BBS1: variants seen among roughly 807,000 people sequenced by gnomAD.
BBS1 encodes BBSome complex member BBS1.
A neutral mutation model predicts 73.9 loss-of-function variants in BBS1; 60 were observed. The ratio of observed to expected loss-of-function variants is 0.81; its 90% CI spans 0.66 to 1.01. The LOEUF (loss-of-function observed/expected upper bound fraction) is 1.01, where lower values mean the gene tolerates loss of function less well. BBS1 is among the 50% of genes least tolerant of loss of function. BBS1 has a pLI of 0.00. For missense variants in BBS1, 718 were observed against 770.3 expected (o/e 0.93, Z 0.80); for synonymous variants, 283 against 317.4 (o/e 0.89, Z 1.15).
chr11:66,529,349 T>G lies in BBS1; in HGVS notation c.1340-470T>G, dbSNP rs910092785. On this transcript the variant is annotated intron_variant, in intron 13 of 16. Transcript: ENST00000318312. ...TTCCGCAGCATTGAGCCTGAGGTGT[T>G]GATGGGACCTCCCTGTGGAGATGAG... 4 of 1,519,592 alleles carry G rather than the reference T, an allele frequency of 2.6e-6. No homozygotes were observed. In the Admixed American group the frequency reaches 5.9e-5, roughly 22 times the overall value. 94.1% of individuals were successfully genotyped at this position (1,519,592 alleles called of 1,614,324 possible). A position where few individuals can be genotyped will look rare whatever the true frequency, so the allele number is the denominator to read the frequency against.
At chr11:66,517,390 C>G (rs1349357673) in intron 7 of BBS1, among the ~76,000 whole-genome samples, 1 of 151,662 alleles carries the variant, frequency 6.6e-6, no homozygotes, top group Non-Finnish European at 1.5e-5. Flanking sequence ...CATTGTCTAA[C>G]AATAACTAGT....
At position 66,531,611 on chromosome 11, in the gene BBS1, C is replaced by G. The variant is rs754278028; in HGVS notation, c.1609-45C>G. The G allele has an allele frequency of 5.0e-6, 8 of 1,613,260 alleles. No individual in the cohort carries two copies. In the South Asian group the frequency reaches 8.8e-5, roughly 18 times the overall value. On this transcript the variant is annotated intron_variant, in intron 15 of 16. Coordinates refer to ENST00000318312, the MANE Select transcript of BBS1 (RefSeq NM_024649.5). ...TGAATGCACTGGAATATGCCAAACACTGGCACGAGGGCTGGTTTCCTTACT... is the reference window on the plus strand; with the variant it reads ...TGAATGCACTGGAATATGCCAAACAGTGGCACGAGGGCTGGTTTCCTTACT...
intron 7 of BBS1, among the ~76,000 whole-genome samples, chr11:66,516,643 T>G (rs1272484558): frequency 6.6e-6 from 1 of 152,108 alleles, no homozygotes; most frequent in Non-Finnish European, 1.5e-5. Context: ...CTCAAACTAC[T>G]GGATTCAAGT....
chr11:66,522,820 T>A, intron 9 of BBS1: 1 of 302,044 alleles, frequency 3.3e-6, no homozygotes, highest in Non-Finnish European at 6.4e-6. Context: ...GGATGAGTGC[T>A]ATGGAGAAAA....
In BBS1 at chr11:66,532,340, G is replaced by A. The variant is rs561934700; in HGVS notation, c.*303G>A. 6.3e-5 allele frequency: 28 copies of A among 441,350 alleles called. No homozygotes were observed. The highest frequency in any genetic ancestry group is 8.1e-5 in the South Asian group (3 of 37,248). 27.3% of individuals were successfully genotyped at this position (441,350 alleles called of 1,614,324 possible). A position where few individuals can be genotyped will look rare whatever the true frequency, so the allele number is the denominator to read the frequency against. Reference sequence around the variant, plus strand: ...TGGGCTCAGATCAGAGCTCCGAAGCGGTCAAAGTGAGCTGAGCAGGACAGG... The same window carrying A: ...TGGGCTCAGATCAGAGCTCCGAAGCAGTCAAAGTGAGCTGAGCAGGACAGG... On this transcript the variant is annotated 3_prime_UTR_variant, in exon 17 of 17. Coordinates refer to ENST00000318312, the MANE Select transcript of BBS1 (RefSeq NM_024649.5).
chr11:66,524,922 C>T (rs1221414943), intron 11 of BBS1, among the ~76,000 whole-genome samples: 4 of 151,960 alleles, frequency 2.6e-5, no homozygotes, highest in African/African-American at 4.8e-5. Flanking sequence ...GGGTATGGGC[C>T]GGGCACGGTG....
rs776545195 is a variant in BBS1 at position 66,531,035 on chromosome 11, G to A, written c.1608+7G>A. On this transcript the variant is annotated splice_region_variant and intron_variant, in intron 15 of 16. Coordinates refer to ENST00000318312, the MANE Select transcript of BBS1 (RefSeq NM_024649.5). ...GCCCCGGGCCTTCTTCAAGGTACTG[G>A]ATGCTCCTCACTTAGATATGGAGTG... 3.1e-6 allele frequency: 5 copies of A among 1,614,176 alleles called. No homozygotes were observed. The East Asian group carries it at 8.9e-5, about 29-fold the overall frequency.
At position 66,528,839 on chromosome 11, in the gene BBS1, G is replaced by A. The variant is rs992783645; in HGVS notation, c.1340-980G>A. 8.6e-5 allele frequency among the ~76,000 whole-genome samples: 13 copies of A among 151,860 alleles called. No individual in the cohort carries two copies. In the East Asian group the frequency reaches 1.9e-3, roughly 23 times the overall value. On this transcript the variant is annotated intron_variant, in intron 13 of 16. Coordinates refer to ENST00000318312, the MANE Select transcript of BBS1 (RefSeq NM_024649.5). ...AAAAATTAGCCAGGCTTGGCGGCGC[G>A]TGCCTGTAATTCCAGCTACTCGGGA... is the stretch of plus-strand genomic sequence containing the variant.
chr11:66,511,946 TG>T (rs2134767110), intron 3 of BBS1, among the ~76,000 whole-genome samples: 1 of 149,914 alleles, frequency 6.7e-6, no homozygotes, highest in Non-Finnish European at 1.5e-5. Flanking sequence ...TTGAGTGAGC[TG>T]AGACCATGCC....
chr11:66,526,868 T>A, intron 13 of BBS1, 61 bp downstream of exon 13: 3 of 1,613,842 alleles, frequency 1.9e-6, no homozygotes, highest in Non-Finnish European at 2.5e-6. Flanking sequence ...ACAGCAAAGC[T>A]GGGGGAATGC....
chr11:66,511,587 A>G (rs981334062), intron 3 of BBS1, among the ~76,000 whole-genome samples: 5 of 152,182 alleles, frequency 3.3e-5, no homozygotes, highest in Non-Finnish European at 7.3e-5. Flanking sequence ...TTTGATGTTT[A>G]TCAAAAGATT....
chr11:66,520,001 A>G (rs906358117), intron 8 of BBS1: 44 of 395,958 alleles, frequency 1.1e-4, no homozygotes, highest in African/African-American at 6.9e-4. Context: ...TTCTCTTTAT[A>G]AAAACAGGAT....
chr11:66,519,855 A>T, intron 8 of BBS1, 107 bp downstream of exon 8: 1 of 1,436,844 alleles, frequency 7.0e-7, no homozygotes. Flanking sequence ...TAGAAAAATT[A>T]GAAACTAGAT....
intron 13 of BBS1, 115 bp downstream of exon 13, chr11:66,526,922 G>T: frequency 6.2e-7 from 1 of 1,603,236 alleles, no homozygotes; most frequent in Non-Finnish European, 8.5e-7. Flanking sequence ...CGGCCAACTA[G>T]GTAGGTCACT....
intron 13 of BBS1, chr11:66,527,668 C>CAAAAAAAA (rs58165767): frequency 1.7e-5 from 1 of 57,968 alleles, no homozygotes; most frequent in Non-Finnish European, 3.2e-5. Flanking sequence ...GACTCCGTCT[C>CAAAAAAAA]AAAAAAAAAA....
At position 66,529,919 on chromosome 11, in the gene BBS1, G is replaced by A. The variant is rs751466006; in HGVS notation, c.1440G>A (p.Thr480=). The A allele has an allele frequency of 2.4e-5, 38 of 1,605,258 alleles. No individual in the cohort carries two copies. Among genetic ancestry groups the A allele is most frequent in the Non-Finnish European group, 3.0e-5 (35 of 1,179,706 alleles). Reference sequence around the variant, plus strand: ...AGTCCAGCCTGAGCCCCCTGTCCACGACAGCCCGAGAGCCACTCAAGCTGC... The same window carrying A: ...AGTCCAGCCTGAGCCCCCTGTCCACAACAGCCCGAGAGCCACTCAAGCTGC... The part of the protein sequence containing the change: ...ALESSLSPLS[T]TAREPLKLHA... Residue 480 remains threonine, a synonymous_variant, in exon 14 of 17, where the codon ACG becomes ACA. Transcript: ENST00000318312.
At chr11:66,515,249 T>G (rs1029834951) in intron 4 of BBS1, among the ~76,000 whole-genome samples, 1 of 151,758 alleles carries the variant, frequency 6.6e-6, no homozygotes, top group Non-Finnish European at 1.5e-5. Flanking sequence ...CTGCCCAAAT[T>G]TGAGGAAGAT....
chr11:66,526,760 C>A lies in BBS1; in HGVS notation c.1292C>A (p.Thr431Asn). ...ATGAAACTCAATGTGCCCCGAAAGA[C>A]CCGGCTTTACGTGGATCAGACACTG... ...QAMKLNVPRK[T>N]RLYVDQTLRE... The change falls in exon 13 of 17, where the codon ACC (threonine) becomes AAC (asparagine). Residue 431 changes from threonine (T) to asparagine (N), a missense_variant. Thr to Asn is a moderately conservative substitution (Grantham distance 65). Coordinates refer to ENST00000318312, the MANE Select transcript of BBS1 (RefSeq NM_024649.5). 6.2e-7 allele frequency: 1 copy of A among 1,614,252 alleles called. No individual in the cohort carries two copies. The highest frequency in any genetic ancestry group is 8.5e-7 in the Non-Finnish European group (1 of 1,180,040).
At position 66,523,484 on chromosome 11, in the gene BBS1, G is replaced by A. The variant is rs770668729; in HGVS notation, c.859G>A (p.Glu287Lys). 5.6e-6 allele frequency: 9 copies of A among 1,613,892 alleles called. No homozygotes were observed. The highest frequency in any genetic ancestry group is 5.0e-5 in the Admixed American group (3 of 59,968). Residue 287 changes from glutamate to lysine, a missense_variant, in exon 10 of 17, where the codon GAG becomes AAG. Transcript: ENST00000318312. Reference protein sequence around the residue: ...RDSKHPKYCIELSAQPVGLIR... With the variant: ...RDSKHPKYCIKLSAQPVGLIR... ...CTCCAAGCACCCCAAGTACTGCATC[G>A]AGCTGAGCGCCCAGCCTGTGGGACT...
Sources: allele counts gnomAD v4.1 joint callset (sites outside exome capture counted in the v4.1 genomes callset), GRCh38; gene constraint gnomAD v4.1.1; transcripts MANE v1.5; gene names NCBI Gene and HGNC (gene_info 2026-07-23, HGNC 2026-07-21).